Variants in SENP1 observed in about 807,000 individuals in gnomAD.
The protein encoded by SENP1 is sentrin-specific protease 1.
Under a neutral mutation model 93.0 loss-of-function variants are expected in SENP1, and 21 were observed. That is an observed-to-expected ratio of 0.23 (90% confidence interval 0.16 to 0.33). The LOEUF is 0.33. SENP1 is among the 10% of genes least tolerant of loss of function. The pLI is 1.00. For synonymous variants in SENP1, 256 were observed against 259.6 expected (o/e 0.99, Z 0.13); for missense variants, 591 against 758.7 (o/e 0.78, Z 2.60).
At chr12:48,102,368 G>C (rs1484493199) in intron 1 of SENP1, among the ~76,000 whole-genome samples, 1 of 147,182 alleles carries the variant, frequency 6.8e-6, no homozygotes, top group Admixed American at 7.0e-5. Flanking sequence ...GGAAGCAGAG[G>C]TTGCAGTAAG....
At chr12:48,085,563 G>T (rs145748240) in intron 5 of SENP1, 5 of 469,630 alleles carry the variant, frequency 1.1e-5, no homozygotes, top group African/African-American at 2.0e-5. Context: ...AAGAGGCTAG[G>T]TGAGGCGCTT....
intron 13 of SENP1, among the ~76,000 whole-genome samples, chr12:48,060,263 A>T (rs1454567031): frequency 6.6e-6 from 1 of 152,212 alleles, no homozygotes; most frequent in Non-Finnish European, 1.5e-5. Flanking sequence ...ACCAGAAGCA[A>T]AAGTAAGTTT....
rs534502863 is a variant in SENP1, at chr12:48,069,664, AAGGTATCAAT to A, written c.995+1993_995+2002del. Among the ~76,000 whole-genome samples the A allele has an allele frequency of 1.5e-4, 23 of 152,328 alleles. No individual in the cohort carries two copies. In the East Asian group the frequency reaches 4.4e-3, roughly 29 times the overall value. On this transcript the variant is annotated intron_variant, in intron 9 of 17. Transcript: ENST00000549518. ...TAAGTTAATCTTCACAATTAAGTGTAAGGTATCAATACTGGCATTTTATTGATAAGGAAAC... is the reference window on the plus strand; with the variant it reads ...TAAGTTAATCTTCACAATTAAGTGTAACTGGCATTTTATTGATAAGGAAAC...
At chr12:48,059,473 T>A (rs920966317) in intron 13 of SENP1, among the ~76,000 whole-genome samples, 1 of 152,204 alleles carries the variant, frequency 6.6e-6, no homozygotes, top group Non-Finnish European at 1.5e-5. Flanking sequence ...TCTCTCCTCA[T>A]GATGTCCATT....
chr12:48,056,299 ATTT>A (rs1942321963), intron 13 of SENP1, among the ~76,000 whole-genome samples: 1 of 112,426 alleles, frequency 8.9e-6, no homozygotes, highest in Non-Finnish European at 1.6e-5. Flanking sequence ...ATAAAATATT[ATTT>A]AATATATTAC....
intron 6 of SENP1, among the ~76,000 whole-genome samples, chr12:48,079,184 C>T (rs1944341674): frequency 6.6e-6 from 1 of 151,628 alleles, no homozygotes. Context: ...TTAAAGAAAG[C>T]CCTAACTGTT....
At chr12:48,092,379 G>A (rs1945277487) in intron 4 of SENP1, among the ~76,000 whole-genome samples, 1 of 152,160 alleles carries the variant, frequency 6.6e-6, no homozygotes, top group Non-Finnish European at 1.5e-5. Flanking sequence ...TGTGGAAAGA[G>A]GAAGAAGTTT....
intron 13 of SENP1, among the ~76,000 whole-genome samples, chr12:48,062,805 A>G (rs1943046496): frequency 6.6e-6 from 1 of 152,246 alleles, no homozygotes; most frequent in African/African-American, 2.4e-5. Context: ...AGAATAAAAC[A>G]CATAAAACAT....
intron 13 of SENP1, among the ~76,000 whole-genome samples, chr12:48,056,181 A>G (rs1942291402): frequency 1.0e-5 from 1 of 98,942 alleles, no homozygotes; most frequent in Non-Finnish European, 1.8e-5. Flanking sequence ...TTTTATATAT[A>G]TTATTTAATA....
chr12:48,097,444 C>T (rs1328839208), intron 3 of SENP1, among the ~76,000 whole-genome samples: 1 of 152,106 alleles, frequency 6.6e-6, no homozygotes, highest in Non-Finnish European at 1.5e-5. Flanking sequence ...AATGGCTTTC[C>T]TATTGAAAAA....
At position 48,043,111 on chromosome 12, in the gene SENP1, G is replaced by C. The variant is rs928025119; in HGVS notation, c.*2211C>G. Reference sequence around the variant, plus strand: ...ACTGTGTAAGTCTGTATTTGGACCAGGTCCAGGGTGGTAAGATGGTCTCAG... The same window carrying C: ...ACTGTGTAAGTCTGTATTTGGACCACGTCCAGGGTGGTAAGATGGTCTCAG... On this transcript the variant is annotated 3_prime_UTR_variant, in exon 18 of 18. Transcript: ENST00000549518. 6.6e-6 allele frequency: 1 copy of C among 152,538 alleles called. No individual in the cohort carries two copies. The highest frequency in any genetic ancestry group is 1.5e-5 in the Non-Finnish European group (1 of 68,036). 9.4% of individuals were successfully genotyped at this position (152,538 alleles called of 1,614,324 possible). A position where few individuals can be genotyped will look rare whatever the true frequency, so the allele number is the denominator to read the frequency against.
At chr12:48,059,740 T>C (rs1942831981) in intron 13 of SENP1, among the ~76,000 whole-genome samples, 2 of 152,182 alleles carry the variant, frequency 1.3e-5, no homozygotes, top group African/African-American at 4.8e-5. Context: ...TATAGGTTAT[T>C]TGGATCAGTT....
chr12:48,070,385 C>T (rs1943605713), intron 9 of SENP1, among the ~76,000 whole-genome samples: 1 of 152,128 alleles, frequency 6.6e-6, no homozygotes, highest in African/African-American at 2.4e-5. Context: ...ATATATTACC[C>T]TGCTTCAATT....
At position 48,088,733 on chromosome 12, in the gene SENP1, T is replaced by C. The variant is rs911912509; in HGVS notation, c.380+68A>G. On this transcript the variant is annotated intron_variant, in intron 5 of 17. Coordinates refer to ENST00000549518, the MANE Select transcript of SENP1 (RefSeq NM_001267594.2). ...TTTTAAAATCCCAATGTAATAACTA[T>C]CTACCTTTTAGTCACTTTCTCTTAT... 3.5e-6 allele frequency: 5 copies of C among 1,423,680 alleles called. No individual in the cohort carries two copies. In the African/African-American group the frequency reaches 7.1e-5, roughly 20 times the overall value. The allele number at this position is 1,423,680 out of a possible 1,614,324, so 88.2% of individuals were successfully genotyped here.
At chr12:48,070,788 A>G (rs747789152) in intron 9 of SENP1, among the ~76,000 whole-genome samples, 7 of 152,206 alleles carry the variant, frequency 4.6e-5, no homozygotes, top group Non-Finnish European at 5.9e-5. Flanking sequence ...GCAGCATGGA[A>G]GATGGACTAA....
In SENP1 at chr12:48,074,478, C is replaced by G. The variant is rs748237787; in HGVS notation, c.786G>C (p.Gln262His). ...SSGSASILTN[Q>H]EQLSHSVYSL... ...AATATACACTGTGGGACAGCTGTTC[C>G]TGGTTAGTTAAAATGCTGGCAGATC... Residue 262 changes from glutamine (Q) to histidine (H), a missense_variant, in exon 8 of 18, where the codon CAG becomes CAC. Physicochemically the swap from Gln to His is conservative, Grantham distance 24. Transcript: ENST00000549518. 6.2e-7 allele frequency: 1 copy of G among 1,613,816 alleles called. No homozygotes were observed. Among genetic ancestry groups the G allele is most frequent in the Non-Finnish European group, 8.5e-7 (1 of 1,179,820 alleles).
rs796659038 is a variant in SENP1 at position 48,065,700 on chromosome 12, G to A, written c.1035-20C>T. 1.4e-5 allele frequency: 21 copies of A among 1,471,498 alleles called. No individual in the cohort carries two copies. In the African/African-American group the frequency reaches 1.5e-4, roughly 11 times the overall value. The allele number at this position is 1,471,498 out of a possible 1,614,324, so 91.2% of individuals were successfully genotyped here. A position where few individuals can be genotyped will look rare whatever the true frequency, so the allele number is the denominator to read the frequency against. On this transcript the variant is annotated intron_variant, in intron 10 of 17. Transcript: ENST00000549518. ...CTAGTTCTAGAAAATGAAAAGGAAC[G>A]TGACCAAATGTAGACCACTCTCATT...
chr12:48,069,152 C>CCA (rs1943499747), intron 9 of SENP1, among the ~76,000 whole-genome samples: 1 of 76,336 alleles, frequency 1.3e-5, no homozygotes, highest in African/African-American at 5.6e-5. Context: ...GACTCTGTCA[C>CCA]AAAAAAAAAA....
chr12:48,104,510 A>G (rs977836721), intron 1 of SENP1, among the ~76,000 whole-genome samples: 4 of 152,114 alleles, frequency 2.6e-5, no homozygotes, highest in Admixed American at 6.6e-5. Flanking sequence ...AACACCTTAA[A>G]TACCTTAACA....
Sources: allele counts gnomAD v4.1 joint callset (sites outside exome capture counted in the v4.1 genomes callset), GRCh38; gene constraint gnomAD v4.1.1; transcripts MANE v1.5; gene names NCBI Gene and HGNC (gene_info 2026-07-23, HGNC 2026-07-21).